Variants in CTNNA3 observed in about 807,000 individuals in gnomAD.
CTNNA3 encodes the protein catenin alpha-3.
Under a neutral mutation model 95.7 loss-of-function variants are expected in CTNNA3, and 76 were observed. The observed-to-expected ratio is 0.79, with a 90% CI of 0.66 to 0.96. CTNNA3 has a LOEUF of 0.96. Among genes scored for constraint, CTNNA3 ranks in the 40% least tolerant of loss-of-function variants. The pLI, the probability that CTNNA3 is intolerant of heterozygous loss-of-function variation, is 0.00. For missense variants in CTNNA3, 1,191 were observed against 1,089.8 expected, an observed-to-expected ratio of 1.09 and a Z score of -1.31; for synonymous variants, 431 against 374.4, an observed-to-expected ratio of 1.15 and a Z score of -1.74.
At chr10:66,377,506 TA>T (rs1352187812) in intron 12 of CTNNA3, among the ~76,000 whole-genome samples, 1 of 152,038 alleles carries the variant, frequency 6.6e-6, no homozygotes, top group Non-Finnish European at 1.5e-5. Flanking sequence ...AACAGTGGCA[TA>T]AAACTGTAAA....
chr10:67,093,244 G>A (rs1857762378), intron 7 of CTNNA3, among the ~76,000 whole-genome samples: 1 of 151,914 alleles, frequency 6.6e-6, no homozygotes, highest in Non-Finnish European at 1.5e-5. Flanking sequence ...GCCCTTCCCT[G>A]AGCCTATTCC....
intron 5 of CTNNA3, among the ~76,000 whole-genome samples, chr10:67,318,526 C>A (rs940724036): frequency 6.6e-6 from 1 of 152,204 alleles, no homozygotes; most frequent in Non-Finnish European, 1.5e-5. Flanking sequence ...CAATGTTCTA[C>A]AAGGTCCCAT....
chr10:67,745,730 C>T (rs182416274), intron 1 of CTNNA3, among the ~76,000 whole-genome samples: 30 of 152,106 alleles, frequency 2.0e-4, no homozygotes, highest in African/African-American at 6.3e-4. Context: ...AGTAAAGCTT[C>T]AGAGTACTGA....
At chr10:67,044,955 A>G (rs942474003) in intron 7 of CTNNA3, among the ~76,000 whole-genome samples, 1 of 152,178 alleles carries the variant, frequency 6.6e-6, no homozygotes, top group African/African-American at 2.4e-5. Flanking sequence ...AGTAAATAAG[A>G]TTTGATATTT....
chr10:67,365,798 T>C (rs999987733), intron 5 of CTNNA3, among the ~76,000 whole-genome samples: 3 of 152,170 alleles, frequency 2.0e-5, no homozygotes, highest in Non-Finnish European at 4.4e-5. Flanking sequence ...TTAGTTCAAC[T>C]ATTGTGGAAG....
At chr10:67,679,728 T>C (rs748977080) in intron 1 of CTNNA3, among the ~76,000 whole-genome samples, 2 of 152,216 alleles carry the variant, frequency 1.3e-5, no homozygotes, top group Non-Finnish European at 2.9e-5. Context: ...TTAAATCTTT[T>C]GTGAAATTTT....
intron 17 of CTNNA3, among the ~76,000 whole-genome samples, chr10:65,957,062 C>A (rs947810013): frequency 1.4e-4 from 21 of 152,248 alleles, no homozygotes; most frequent in African/African-American, 3.9e-4. Context: ...CTTTATGAGT[C>A]TGGGTGCTTC....
chr10:67,037,923 G>A (rs1454109353), intron 7 of CTNNA3, among the ~76,000 whole-genome samples: 1 of 151,996 alleles, frequency 6.6e-6, no homozygotes, highest in Non-Finnish European at 1.5e-5. Context: ...AGAAACCCAG[G>A]AATACCAACA....
intron 4 of CTNNA3, among the ~76,000 whole-genome samples, chr10:67,531,363 C>G (rs55755749): frequency 1.3e-5 from 2 of 152,158 alleles, no homozygotes; most frequent in Non-Finnish European, 1.5e-5. Context: ...TGCCCAAGAC[C>G]ATGGGAACCC....
intron 13 of CTNNA3, among the ~76,000 whole-genome samples, chr10:66,189,281 A>AC (rs1347206251): frequency 2.0e-5 from 3 of 151,770 alleles, no homozygotes. Context: ...TCAAAAAAAA[A>AC]AAAAAAAACA....
At chr10:67,551,271 G>A (rs1401658383) in intron 3 of CTNNA3, among the ~76,000 whole-genome samples, 1 of 152,102 alleles carries the variant, frequency 6.6e-6, no homozygotes, top group Non-Finnish European at 1.5e-5. Flanking sequence ...ACAAGTGGCT[G>A]GACGTGAAGA....
intron 12 of CTNNA3, among the ~76,000 whole-genome samples, chr10:66,359,708 T>C (rs34364129): frequency 0.097 from 14,741 of 152,170 alleles, 958 homozygotes; most frequent in South Asian, 0.18. Context: ...TATGTCTTAT[T>C]TATTTTGTCT....
chr10:67,170,083 C>A (rs1589818500), intron 7 of CTNNA3, among the ~76,000 whole-genome samples: 1 of 152,102 alleles, frequency 6.6e-6, no homozygotes, highest in Non-Finnish European at 1.5e-5. Context: ...CCATCTCACA[C>A]CAGTCAAAAT....
At chr10:66,074,520 A>G (rs1209063408) in intron 14 of CTNNA3, among the ~76,000 whole-genome samples, 2 of 151,818 alleles carry the variant, frequency 1.3e-5, no homozygotes, top group Non-Finnish European at 2.9e-5. Context: ...ATCTTGAGAT[A>G]TTGCCCATTA....
At chr10:67,502,378 A>G (rs1042709646) in intron 5 of CTNNA3, among the ~76,000 whole-genome samples, 1 of 152,158 alleles carries the variant, frequency 6.6e-6, no homozygotes, top group East Asian at 1.9e-4. Context: ...GATGCCAGTC[A>G]GAGCTCTTCT....
At chr10:66,584,095 T>C (rs1564548961) in intron 10 of CTNNA3, among the ~76,000 whole-genome samples, 6 of 151,988 alleles carry the variant, frequency 3.9e-5, no homozygotes, top group Admixed American at 3.9e-4. Context: ...TTTAGTGACC[T>C]ATCATATAAT....
rs553377037 is a variant in CTNNA3, at chr10:67,347,064, A to ATT, written c.580-127196_580-127195dup. On this transcript the variant is annotated intron_variant, in intron 5 of 17. Transcript: ENST00000433211. ...TCTACTTATAATAAGTAATCCTAGAATTTTTTTTTTTTTTTGAGACAGGGT... is the reference window on the plus strand; with the variant it reads ...TCTACTTATAATAAGTAATCCTAGAATTTTTTTTTTTTTTTTTGAGACAGGGT... Among the ~76,000 whole-genome samples the ATT allele has an allele frequency of 6.2e-5, 9 of 144,346 alleles. No individual in the cohort carries two copies. The South Asian group carries it at 6.6e-4, about 11-fold the overall frequency. 94.7% of individuals were successfully genotyped at this position (144,346 alleles called of 152,430 possible).
chr10:67,189,778 CA>C (rs1863036099), intron 6 of CTNNA3, among the ~76,000 whole-genome samples: 2 of 151,618 alleles, frequency 1.3e-5, no homozygotes, highest in Non-Finnish European at 2.9e-5. Context: ...TCTGAGTAAA[CA>C]AAAAAACTGC....
At chr10:65,960,640 C>T (rs962317907) in intron 17 of CTNNA3, among the ~76,000 whole-genome samples, 5 of 152,162 alleles carry the variant, frequency 3.3e-5, no homozygotes, top group African/African-American at 1.2e-4. Flanking sequence ...GAACATAGTA[C>T]CCAACAGGAA....
Sources: gnomAD v4.1 joint callset for allele counts (sites outside exome capture counted in the v4.1 genomes callset) on GRCh38, gnomAD v4.1.1 for gene constraint, MANE v1.5 for transcripts, NCBI Gene and HGNC (gene_info 2026-07-23, HGNC 2026-07-21) for gene names.